UMAD1: variants seen among roughly 807,000 people sequenced by gnomAD.
UMAD1 encodes the protein UBAP1-MVB12-associated (UMA) domain containing 1.
Under a neutral mutation model 6.1 loss-of-function variants are expected in UMAD1, and 8 were observed. That is an observed-to-expected ratio of 1.30 (90% CI 0.76 to 2.35). The LOEUF is 2.35. Among genes scored for constraint, UMAD1 ranks in the 30% most tolerant of loss-of-function variants. UMAD1 has a pLI of 0.00. For synonymous variants in UMAD1, 56 were observed against 31.4 expected (o/e 1.78, Z -2.61); for missense variants, 130 against 78.4 (o/e 1.66, Z -2.49).
At chr7:7,649,979 T>C (rs1583693008) in intron 1 of UMAD1, among the ~76,000 whole-genome samples, 6 of 152,350 alleles carry the variant, frequency 3.9e-5, no homozygotes, top group Middle Eastern at 3.4e-3. Flanking sequence ...TCTTACACTT[T>C]CCAGCCTCTA....
intron 2 of UMAD1, among the ~76,000 whole-genome samples, chr7:7,722,105 G>T (rs1262511981): frequency 1.3e-5 from 2 of 150,258 alleles, no homozygotes; most frequent in African/African-American, 4.9e-5. Flanking sequence ...GCCTATTGTG[G>T]GTCTTGTGAT....
intron 2 of UMAD1, chr7:7,742,459 TG>T: frequency 1.9e-6 from 1 of 539,812 alleles, no homozygotes; most frequent in Non-Finnish European, 3.6e-6. Flanking sequence ...TCTTTTTTTG[TG>T]GTTGTGGACA....
At chr7:7,829,194 A>G (rs975609639) in intron 3 of UMAD1, among the ~76,000 whole-genome samples, 11 of 152,308 alleles carry the variant, frequency 7.2e-5, no homozygotes, top group African/African-American at 2.4e-4. Flanking sequence ...TTTGGTGATA[A>G]GGATAAATTA....
chr7:7,838,012 C>A (rs1312710687), intron 3 of UMAD1, among the ~76,000 whole-genome samples: 1 of 151,884 alleles, frequency 6.6e-6, no homozygotes, highest in Non-Finnish European at 1.5e-5. Context: ...TGTATGCCCC[C>A]AATAACAGAC....
intron 2 of UMAD1, among the ~76,000 whole-genome samples, chr7:7,674,278 T>A (rs1291858962): frequency 6.6e-6 from 1 of 152,238 alleles, no homozygotes; most frequent in African/African-American, 2.4e-5. Flanking sequence ...ACTGGTTTCC[T>A]ACCTCTTACT....
At chr7:7,834,016 C>CTTTTTTTTTTTTTTTTT (rs4034895) in intron 3 of UMAD1, among the ~76,000 whole-genome samples, 2 of 110,450 alleles carry the variant, frequency 1.8e-5, no homozygotes, top group Non-Finnish European at 3.7e-5. Context: ...TTTTTCTTTT[C>CTTTTTTTTTTTTTTTTT]TTTTTTTTTT....
At chr7:7,646,609 C>G (rs1785102016) in intron 1 of UMAD1, among the ~76,000 whole-genome samples, 1 of 148,482 alleles carries the variant, frequency 6.7e-6, no homozygotes, top group Non-Finnish European at 1.5e-5. Flanking sequence ...ACCCCTTTTT[C>G]TTTATAAATT....
intron 1 of UMAD1, among the ~76,000 whole-genome samples, chr7:7,667,148 C>T (rs1477720583): frequency 3.3e-5 from 5 of 152,190 alleles, no homozygotes; most frequent in African/African-American, 1.2e-4. Flanking sequence ...ATAGAGGTAG[C>T]TCCAGGATCC....
intron 2 of UMAD1, among the ~76,000 whole-genome samples, chr7:7,696,620 A>G (rs1563131551): frequency 1.3e-5 from 2 of 152,116 alleles, no homozygotes; most frequent in Non-Finnish European, 2.9e-5. Context: ...GCTCTTCCTC[A>G]TTTGTTGCCA....
intron 3 of UMAD1, among the ~76,000 whole-genome samples, chr7:7,819,369 C>T (rs190695604): frequency 5.3e-4 from 81 of 152,230 alleles, no homozygotes; most frequent in African/African-American, 1.7e-3. Context: ...GTTTATATTA[C>T]GCTGTATCTG....
rs377198360 is a variant in UMAD1, at chr7:7,677,864, G to A, written c.82+4411G>A. On this transcript the variant is annotated intron_variant, in intron 2 of 3. Transcript: ENST00000682710. ...AATTTTTTGTATTTTTAGTAGAGAC[G>A]GGGTTTCACCGTTTTAGCCGGGATG... Among the ~76,000 whole-genome samples the A allele has an allele frequency of 5.0e-4, 75 of 150,860 alleles. No individual in the cohort carries two copies. In the East Asian group the frequency reaches 0.012, roughly 25 times the overall value.
In UMAD1 at chr7:7,677,682, T is replaced by G. The variant is rs1183413454; in HGVS notation, c.82+4229T>G. On this transcript the variant is annotated intron_variant, in intron 2 of 3. Coordinates refer to ENST00000682710, the MANE Select transcript of UMAD1 (RefSeq NM_001302348.2). ...TTTTTTTGTTTTTTTTTTTTTTTTT[T>G]TTTTTTTTTGAGACGGAGTCTCGCT... Among the ~76,000 whole-genome samples, 30 of 138,928 alleles carry G rather than the reference T, an allele frequency of 2.2e-4. 1 individual carries two copies. Among genetic ancestry groups the G allele is most frequent in the African/African-American group, 3.0e-4 (11 of 37,064 alleles). 91.1% of individuals were successfully genotyped at this position (138,928 alleles called of 152,430 possible). A position where few individuals can be genotyped will look rare whatever the true frequency, so the allele number is the denominator to read the frequency against.
At chr7:7,824,806 T>C (rs1783309054) in intron 3 of UMAD1, among the ~76,000 whole-genome samples, 2 of 152,320 alleles carry the variant, frequency 1.3e-5, no homozygotes, top group African/African-American at 4.8e-5. Context: ...AATTTCATCC[T>C]GTTAAACTGG....
chr7:7,759,629 G>A (rs1268317978), intron 2 of UMAD1, among the ~76,000 whole-genome samples: 3 of 152,180 alleles, frequency 2.0e-5, no homozygotes, highest in African/African-American at 4.8e-5. Context: ...AACCTGAAAC[G>A]AGATTAAAAC....
intron 2 of UMAD1, among the ~76,000 whole-genome samples, chr7:7,709,434 T>G (rs577203030): frequency 6.6e-6 from 1 of 152,306 alleles, no homozygotes; most frequent in South Asian, 2.1e-4. Flanking sequence ...TGGTGTTGAC[T>G]TAAAGCATTG....
At chr7:7,691,244 A>G (rs1010661593) in intron 2 of UMAD1, among the ~76,000 whole-genome samples, 2 of 152,234 alleles carry the variant, frequency 1.3e-5, no homozygotes, top group African/African-American at 4.8e-5. Flanking sequence ...GGCAGGTAAA[A>G]TGTATGTATG....
chr7:7,655,135 G>C (rs1785311517), intron 1 of UMAD1, among the ~76,000 whole-genome samples: 2 of 152,040 alleles, frequency 1.3e-5, no homozygotes, highest in African/African-American at 4.8e-5. Flanking sequence ...ACATGCTAAT[G>C]ATGAGTAGCT....
chr7:7,710,613 A>G (rs537383461), intron 2 of UMAD1, among the ~76,000 whole-genome samples: 2 of 152,332 alleles, frequency 1.3e-5, no homozygotes, highest in East Asian at 3.9e-4. Context: ...GGAATGTAAA[A>G]TGGTACAATT....
chr7:7,689,937 T>C (rs926101336), intron 2 of UMAD1, among the ~76,000 whole-genome samples: 7 of 152,152 alleles, frequency 4.6e-5, no homozygotes, highest in African/African-American at 1.4e-4. Flanking sequence ...CACATAATAG[T>C]TTGCTACTTA....
Sources: gnomAD v4.1 joint callset for allele counts (sites outside exome capture counted in the v4.1 genomes callset) on GRCh38, gnomAD v4.1.1 for gene constraint, MANE v1.5 for transcripts, NCBI Gene and HGNC (gene_info 2026-07-23, HGNC 2026-07-21) for gene names.